Variants in SGCZ observed in about 807,000 individuals in gnomAD.
SGCZ encodes the protein sarcoglycan zeta, also known as zeta-sarcoglycan.
SGCZ carries 40 observed loss-of-function variants against 41.3 expected under a neutral mutation model. The observed-to-expected ratio is 0.97, with a 90% CI of 0.75 to 1.26. SGCZ has a LOEUF of 1.26. Ranked by LOEUF, SGCZ falls within the 50% of genes most tolerant of loss-of-function variation. The pLI is 0.00. For synonymous variants in SGCZ, 206 were observed against 137.5 expected (o/e 1.50, Z -3.49); for missense variants, 552 against 369.8 (o/e 1.49, Z -4.04).
At chr8:14,891,076 T>C (rs1281911894) in intron 1 of SGCZ, among the ~76,000 whole-genome samples, 1 of 152,202 alleles carries the variant, frequency 6.6e-6, no homozygotes, top group Non-Finnish European at 1.5e-5. Flanking sequence ...GGCCTGGAGA[T>C]ACACAAGGAG....
At chr8:14,310,873 G>C (rs958213348) in intron 3 of SGCZ, among the ~76,000 whole-genome samples, 2 of 151,958 alleles carry the variant, frequency 1.3e-5, no homozygotes, top group African/African-American at 4.8e-5. Context: ...AGAGTCTCAG[G>C]GTAGACCAAA....
At chr8:14,149,655 G>GA (rs746979629) in intron 5 of SGCZ, among the ~76,000 whole-genome samples, 2,480 of 22,188 alleles carry the variant, frequency 0.11, 104 homozygotes, top group East Asian at 0.33. Context: ...TTTCTTCATA[G>GA]GAAAAAAAAA....
intron 1 of SGCZ, among the ~76,000 whole-genome samples, chr8:14,862,528 T>G: frequency 8.7e-6 from 1 of 114,450 alleles, no homozygotes; most frequent in Non-Finnish European, 1.7e-5. Flanking sequence ...AAAAATTGCA[T>G]CTTTAAGATA....
chr8:14,784,435 GT>G, intron 1 of SGCZ, among the ~76,000 whole-genome samples: 1 of 152,018 alleles, frequency 6.6e-6, no homozygotes, highest in African/African-American at 2.4e-5. Context: ...CTATATCAGG[GT>G]TTTTGTCATA....
At chr8:14,605,364 T>G (rs190370891) in intron 1 of SGCZ, among the ~76,000 whole-genome samples, 1 of 152,238 alleles carries the variant, frequency 6.6e-6, no homozygotes, top group Admixed American at 6.5e-5. Flanking sequence ...TTAGGGCAAA[T>G]TGGGTATCTA....
At chr8:14,842,999 G>A (rs538144043) in intron 1 of SGCZ, among the ~76,000 whole-genome samples, 3 of 152,290 alleles carry the variant, frequency 2.0e-5, no homozygotes, top group East Asian at 3.9e-4. Context: ...GATCTCCTGA[G>A]GTCAAAGGTT....
chr8:14,312,868 G>C (rs2117003293), intron 3 of SGCZ, among the ~76,000 whole-genome samples: 1 of 152,238 alleles, frequency 6.6e-6, no homozygotes, highest in South Asian at 2.1e-4. Context: ...GCATGAATCT[G>C]AAGAAAACTA....
At chr8:15,037,264 G>C (rs1482358863) in intron 1 of SGCZ, among the ~76,000 whole-genome samples, 2 of 152,150 alleles carry the variant, frequency 1.3e-5, no homozygotes, top group Non-Finnish European at 2.9e-5. Flanking sequence ...TAGTGAGTGA[G>C]TTCTCACAAA....
chr8:14,457,382 T>C (rs1251478564), intron 2 of SGCZ, among the ~76,000 whole-genome samples: 1 of 152,170 alleles, frequency 6.6e-6, no homozygotes, highest in African/African-American at 2.4e-5. Context: ...GGTCCAGCGG[T>C]AGCAAAAGGT....
chr8:14,932,477 G>T (rs999219026), intron 1 of SGCZ, among the ~76,000 whole-genome samples: 8 of 152,050 alleles, frequency 5.3e-5, no homozygotes, highest in African/African-American at 1.9e-4. Flanking sequence ...CATTCGTTCT[G>T]TGTAAAGAAT....
chr8:14,109,967 TC>T (rs1380121121), intron 5 of SGCZ, among the ~76,000 whole-genome samples: 2 of 152,166 alleles, frequency 1.3e-5, no homozygotes, highest in African/African-American at 4.8e-5. Flanking sequence ...TCTCTCTCTG[TC>T]GCTCCTGAGA....
intron 1 of SGCZ, among the ~76,000 whole-genome samples, chr8:14,803,707 C>G (rs1390925140): frequency 6.6e-6 from 1 of 151,802 alleles, no homozygotes; most frequent in East Asian, 2.0e-4. Flanking sequence ...CCAGGAAGCT[C>G]AAACTGGGTG....
At chr8:15,100,194 C>A (rs1156458767) in intron 1 of SGCZ, among the ~76,000 whole-genome samples, 4 of 152,036 alleles carry the variant, frequency 2.6e-5, no homozygotes, top group African/African-American at 9.7e-5. Context: ...ATTGTCTATG[C>A]AGAAAATTGC....
chr8:14,319,958 T>G (rs570502598), intron 3 of SGCZ, among the ~76,000 whole-genome samples: 7 of 152,162 alleles, frequency 4.6e-5, no homozygotes, highest in African/African-American at 1.2e-4. Context: ...GGTGAAGAAA[T>G]ATTTAAGTTC....
intron 2 of SGCZ, among the ~76,000 whole-genome samples, chr8:14,354,474 G>C (rs1330662911): frequency 6.6e-6 from 1 of 151,764 alleles, no homozygotes; most frequent in Non-Finnish European, 1.5e-5. Flanking sequence ...TACTCTTGTA[G>C]ATTAAGGATA....
At chr8:14,274,142 G>A (rs1228680189) in intron 3 of SGCZ, among the ~76,000 whole-genome samples, 1 of 151,926 alleles carries the variant, frequency 6.6e-6, no homozygotes, top group African/African-American at 2.4e-5. Context: ...CTAGAGTTTT[G>A]AGTACACTAT....
intron 1 of SGCZ, among the ~76,000 whole-genome samples, chr8:14,628,581 T>C (rs749427462): frequency 7.2e-5 from 11 of 152,110 alleles, no homozygotes; most frequent in Non-Finnish European, 1.5e-4. Context: ...ATTGAAATTA[T>C]TGTGTTTTCA....
chr8:14,740,529 T>A (rs1254914102), intron 1 of SGCZ, among the ~76,000 whole-genome samples: 4 of 152,064 alleles, frequency 2.6e-5, no homozygotes, highest in African/African-American at 9.7e-5. Context: ...TAACGTACTA[T>A]GAATGTCCAC....
intron 1 of SGCZ, among the ~76,000 whole-genome samples, chr8:14,684,826 T>C (rs1373709131): frequency 6.6e-6 from 1 of 152,098 alleles, no homozygotes; most frequent in African/African-American, 2.4e-5. Flanking sequence ...AGCAGGCCCT[T>C]GTCATTTCAA....
Sources: allele counts gnomAD v4.1 joint callset (sites outside exome capture counted in the v4.1 genomes callset), GRCh38; gene constraint gnomAD v4.1.1; transcripts MANE v1.5; gene names NCBI Gene and HGNC (gene_info 2026-07-23, HGNC 2026-07-21).